UBAC2: variants seen among roughly 807,000 people sequenced by gnomAD.
UBAC2 encodes the protein ubiquitin-associated domain-containing protein 2.
A neutral mutation model predicts 44.0 loss-of-function variants in UBAC2; 26 were observed. The ratio of observed to expected loss-of-function variants is 0.59; its 90% CI spans 0.43 to 0.82. UBAC2 has a LOEUF of 0.82. Among genes scored for constraint, UBAC2 ranks in the 40% least tolerant of loss-of-function variants. UBAC2 has a pLI of 0.00. For synonymous variants in UBAC2, 155 were observed against 154.3 expected (o/e 1.00, Z -0.04); for missense variants, 329 against 419.4 (o/e 0.78, Z 1.88).
chr13:99,243,533 A>G (rs2043345956), intron 2 of UBAC2, among the ~76,000 whole-genome samples: 1 of 152,172 alleles, frequency 6.6e-6, no homozygotes, highest in Admixed American at 6.5e-5. Flanking sequence ...AATTTTAAAA[A>G]ATCTTACTAA....
chr13:99,296,167 G>GA (rs35773388), intron 4 of UBAC2: 3 of 1,539,710 alleles, frequency 1.9e-6, no homozygotes, highest in African/African-American at 2.8e-5. Context: ...CAGGTGTCTA[G>GA]AAAAAAACCA....
intron 1 of UBAC2, among the ~76,000 whole-genome samples, chr13:99,227,198 C>T (rs1437653373): frequency 2.3e-5 from 3 of 131,484 alleles, no homozygotes; most frequent in South Asian, 5.4e-4. Context: ...AACTCCATCT[C>T]AAAAAAAAAA....
intron 1 of UBAC2, among the ~76,000 whole-genome samples, chr13:99,237,771 A>T (rs2043255701): frequency 6.6e-6 from 1 of 152,222 alleles, no homozygotes; most frequent in African/African-American, 2.4e-5. Context: ...TCTGGCCAAC[A>T]TGGTGAAACA....
At chr13:99,382,841 CAGGGCAG>C (rs1009809846) in intron 8 of UBAC2, among the ~76,000 whole-genome samples, 1 of 152,122 alleles carries the variant, frequency 6.6e-6, no homozygotes, top group Non-Finnish European at 1.5e-5. Flanking sequence ...TCATCAGGCT[CAGGGCAG>C]AGGGCAGAGA....
At chr13:99,238,871 T>C (rs972462433) in intron 2 of UBAC2, among the ~76,000 whole-genome samples, 2 of 152,260 alleles carry the variant, frequency 1.3e-5, no homozygotes, top group African/African-American at 4.8e-5. Context: ...GTAGGCATAC[T>C]TAGCTTTGCC....
chr13:99,339,304 C>T (rs2044849246), intron 6 of UBAC2, among the ~76,000 whole-genome samples: 1 of 152,230 alleles, frequency 6.6e-6, no homozygotes, highest in Non-Finnish European at 1.5e-5. Flanking sequence ...TCCTGATGTC[C>T]CCCGCTGCCC....
chr13:99,203,333 AT>A (rs1474786310), intron 1 of UBAC2, among the ~76,000 whole-genome samples: 2 of 152,076 alleles, frequency 1.3e-5, no homozygotes, highest in East Asian at 3.9e-4. Context: ...ACTGCCTATG[AT>A]TTCCTTTAGA....
rs756715322 is a variant in UBAC2, at chr13:99,340,538, A to C, written c.780A>C (p.Ala260=). 1.5e-5 allele frequency: 24 copies of C among 1,614,002 alleles called. No individual in the cohort carries two copies. Among genetic ancestry groups the C allele is most frequent in the Non-Finnish European group, 1.8e-5 (21 of 1,179,954 alleles). The part of the protein sequence containing the change: ...LDRQLMFSQF[A]QGRRQRQQQG... Reference sequence around the variant, plus strand: ...GGCAGCTGATGTTCTCTCAGTTTGCACAAGGGAGGCGACAGAGACAGCAGC... The same window carrying C: ...GGCAGCTGATGTTCTCTCAGTTTGCCCAAGGGAGGCGACAGAGACAGCAGC... Residue 260 remains alanine (A), a synonymous_variant, in exon 7 of 9, where the codon GCA becomes GCC. Coordinates refer to ENST00000403766, the MANE Select transcript of UBAC2 (RefSeq NM_001144072.2).
intron 1 of UBAC2, chr13:99,205,882 G>A (rs572939918): frequency 1.3e-5 from 2 of 158,058 alleles, no homozygotes; most frequent in East Asian, 1.7e-4. Flanking sequence ...GAGGAGGACC[G>A]GTCTTTGGTC....
chr13:99,367,797 TC>T lies in UBAC2; in HGVS notation c.819del (p.Asn274IlefsTer15). 6.2e-7 allele frequency: 1 copy of T among 1,613,852 alleles called. No homozygotes were observed. Among genetic ancestry groups the T allele is most frequent in the Non-Finnish European group, 8.5e-7 (1 of 1,179,838 alleles). On this transcript the variant is annotated frameshift_variant, in exon 8 of 9. Coordinates refer to ENST00000403766, the MANE Select transcript of UBAC2 (RefSeq NM_001144072.2). LOFTEE classifies it high-confidence loss of function. Reference protein sequence around the residue: ...RRQRQQQGGMINWNRLFPPLR... With the variant: ...RRQRQQQGGMXNWNRLFPPLR... Reference sequence around the variant, plus strand: ...TTGATCTCTTTTTAGGGAGGAATGATCAATTGGAATCGTCTTTTTCCTCCTT... The same window carrying T: ...TTGATCTCTTTTTAGGGAGGAATGATAATTGGAATCGTCTTTTTCCTCCTT...
chr13:99,310,960 A>G (rs1161589519), intron 4 of UBAC2, among the ~76,000 whole-genome samples: 1 of 152,260 alleles, frequency 6.6e-6, no homozygotes, highest in African/African-American at 2.4e-5. Flanking sequence ...AGAGCAGGCC[A>G]TATTTTGAGC....
chr13:99,269,300 G>A (rs989116645), intron 4 of UBAC2, among the ~76,000 whole-genome samples: 2 of 152,162 alleles, frequency 1.3e-5, no homozygotes, highest in African/African-American at 4.8e-5. Context: ...TTCATAAGTA[G>A]GCTTAGAGAA....
At chr13:99,238,153 T>G (rs570585618) in intron 1 of UBAC2, among the ~76,000 whole-genome samples, 1 of 152,314 alleles carries the variant, frequency 6.6e-6, no homozygotes, top group South Asian at 2.1e-4. Context: ...TTCTGAAAGG[T>G]GTTCTATGGA....
intron 2 of UBAC2, among the ~76,000 whole-genome samples, chr13:99,238,995 C>G (rs2043270833): frequency 6.6e-6 from 1 of 152,152 alleles, no homozygotes; most frequent in South Asian, 2.1e-4. Flanking sequence ...TAAGAAATTT[C>G]TCTTGAGTTT....
intron 6 of UBAC2, among the ~76,000 whole-genome samples, chr13:99,319,860 C>A (rs1224464679): frequency 2.6e-5 from 4 of 152,216 alleles, no homozygotes. Flanking sequence ...AGCCTGAGAA[C>A]AGCAAAGAAG....
chr13:99,287,910 C>T (rs1248984142), intron 4 of UBAC2, among the ~76,000 whole-genome samples: 1 of 152,100 alleles, frequency 6.6e-6, no homozygotes, highest in Non-Finnish European at 1.5e-5. Flanking sequence ...TTTCATTACT[C>T]TCTTGAACAT....
chr13:99,277,808 C>CTT (rs56192948), intron 4 of UBAC2, among the ~76,000 whole-genome samples: 14,490 of 152,192 alleles, frequency 0.095, 752 homozygotes, highest in East Asian at 0.13. Context: ...CCCATCCCCT[C>CTT]TGTCACCACC....
chr13:99,246,574 T>C (rs1031525148), intron 4 of UBAC2, among the ~76,000 whole-genome samples: 4 of 152,220 alleles, frequency 2.6e-5, no homozygotes, highest in East Asian at 3.8e-4. Flanking sequence ...ATTTACACTG[T>C]CTCCTTGTCT....
rs769060123 is a variant in UBAC2 at position 99,367,925 on chromosome 13, C to T, written c.927+19C>T. ...GGAACAGGTAATTAATCAGTAATAC[C>T]TGGTACTCATTCTAAATCCATGTTT... On this transcript the variant is annotated intron_variant, in intron 8 of 8. Transcript: ENST00000403766. 1 of 1,605,198 alleles carries T rather than the reference C, an allele frequency of 6.2e-7. No homozygotes were observed. Among genetic ancestry groups the T allele is most frequent in the Non-Finnish European group, 8.5e-7 (1 of 1,175,854 alleles).
Sources: allele counts gnomAD v4.1 joint callset (sites outside exome capture counted in the v4.1 genomes callset), GRCh38; gene constraint gnomAD v4.1.1; transcripts MANE v1.5; gene names NCBI Gene and HGNC (gene_info 2026-07-23, HGNC 2026-07-21).